CHP1: variants seen among roughly 807,000 people sequenced by gnomAD.
CHP1 encodes calcineurin like EF-hand protein 1.
Under a neutral mutation model 27.4 loss-of-function variants are expected in CHP1, and 11 were observed. The observed-to-expected ratio is 0.40, with a 90% CI of 0.25 to 0.67. CHP1 has a LOEUF of 0.67. CHP1 is among the 30% of genes least tolerant of loss of function. The pLI is 0.38. For missense variants in CHP1, 169 were observed against 251.3 expected (o/e 0.67, Z 2.22); for synonymous variants, 89 against 87.4 (o/e 1.02, Z -0.10).
At position 41,278,805 on chromosome 15, in the gene CHP1, G is replaced by A; in HGVS notation, c.450G>A (p.Glu150=). 1 of 1,614,146 alleles carries A rather than the reference G, an allele frequency of 6.2e-7. No individual in the cohort carries two copies. Among genetic ancestry groups the A allele is most frequent in the Non-Finnish European group, 8.5e-7 (1 of 1,180,014 alleles). ...TGGTCGGAGTAAATATCTCAGATGAGCAGCTGGGCAGCATCGCAGACAGGA... is the reference window on the plus strand; with the variant it reads ...TGGTCGGAGTAAATATCTCAGATGAACAGCTGGGCAGCATCGCAGACAGGA... The part of the protein sequence containing the change: ...RMMVGVNISD[E]QLGSIADRTI... Residue 150 remains glutamate (E), a synonymous_variant, in exon 6 of 7, where the codon GAG becomes GAA. Transcript: ENST00000334660.
chr15:41,240,837 A>C (rs1395017886), intron 1 of CHP1, among the ~76,000 whole-genome samples: 1 of 150,600 alleles, frequency 6.6e-6, no homozygotes, highest in African/African-American at 2.4e-5. Context: ...TTTTCAAAAA[A>C]TCTTTTGGGA....
In CHP1 at chr15:41,263,253, G is replaced by A. The variant is rs76179612; in HGVS notation, c.349+370G>A. Among the ~76,000 whole-genome samples, 479 of 152,296 alleles carry A rather than the reference G, an allele frequency of 3.1e-3. 3 individuals carry two copies. Among genetic ancestry groups the A allele is most frequent in the African/African-American group, 0.011 (450 of 41,566 alleles). ...CATTATAATTCATTGAGCACCTACCGTGTGCCAGGCACTGTGTTAAGTGCT... is the reference window on the plus strand; with the variant it reads ...CATTATAATTCATTGAGCACCTACCATGTGCCAGGCACTGTGTTAAGTGCT... On this transcript the variant is annotated intron_variant, in intron 4 of 6. Transcript: ENST00000334660.
chr15:41,262,677 C>T, intron 3 of CHP1, 79 bp from the exon 4 acceptor site: 2 of 1,558,898 alleles, frequency 1.3e-6, no homozygotes, highest in Non-Finnish European at 1.8e-6. Context: ...GTAGCTAAAG[C>T]TGTTGCCAGT....
At chr15:41,255,661 T>TC (rs1196322091) in intron 2 of CHP1, among the ~76,000 whole-genome samples, 1 of 151,274 alleles carries the variant, frequency 6.6e-6, no homozygotes, top group Non-Finnish European at 1.5e-5. Flanking sequence ...GGAGCGAAAC[T>TC]CCATCTCAAA....
intron 1 of CHP1, among the ~76,000 whole-genome samples, chr15:41,233,628 G>A (rs545202736): frequency 6.6e-6 from 1 of 152,090 alleles, no homozygotes; most frequent in African/African-American, 2.4e-5. Context: ...AGCAGATGGT[G>A]ACAAAAAACG....
chr15:41,251,574 G>A (rs1490290363), intron 2 of CHP1, among the ~76,000 whole-genome samples: 2 of 152,070 alleles, frequency 1.3e-5, no homozygotes, highest in Non-Finnish European at 2.9e-5. Flanking sequence ...CCTGAGCACC[G>A]CCTCCGGTCA....
intron 3 of CHP1, among the ~76,000 whole-genome samples, chr15:41,261,808 C>A (rs563000955): frequency 6.6e-6 from 1 of 152,028 alleles, no homozygotes; most frequent in African/African-American, 2.4e-5. Flanking sequence ...GCCTGACCAA[C>A]ATGGAGAAAC....
At chr15:41,270,462 T>A in intron 4 of CHP1, 95 bp from the exon 5 acceptor site, 5 of 885,004 alleles carry the variant, frequency 5.6e-6, no homozygotes, top group Non-Finnish European at 9.3e-6. Flanking sequence ...ATTAATTGGC[T>A]GTCAGTTTTC....
At chr15:41,253,423 G>GTATTTATTTATTTATT (rs71732753) in intron 2 of CHP1, among the ~76,000 whole-genome samples, 8 of 145,182 alleles carry the variant, frequency 5.5e-5, no homozygotes, top group Non-Finnish European at 1.2e-4. Context: ...AGTTGACAAA[G>GTATTTATTTATTTATT]TATTTATTTA....
intron 1 of CHP1, among the ~76,000 whole-genome samples, chr15:41,240,557 C>T (rs1424852840): frequency 1.3e-5 from 2 of 151,862 alleles, no homozygotes; most frequent in Non-Finnish European, 2.9e-5. Flanking sequence ...AGTTTAAGAC[C>T]AGCCTGACCA....
At chr15:41,254,292 T>G (rs2047387051) in intron 2 of CHP1, among the ~76,000 whole-genome samples, 1 of 152,134 alleles carries the variant, frequency 6.6e-6, no homozygotes. Context: ...ATACTAGACT[T>G]GGTATTTAAA....
intron 5 of CHP1, among the ~76,000 whole-genome samples, chr15:41,271,482 ACTGT>A (rs1215963527): frequency 5.9e-5 from 9 of 152,188 alleles, no homozygotes; most frequent in Admixed American, 5.9e-4. Flanking sequence ...GCTTTTAGGT[ACTGT>A]CTGAGATTTA....
rs778003235 is a variant in CHP1, at chr15:41,281,587, C to G, written c.*2198C>G. The G allele has an allele frequency of 2.6e-5, 4 of 152,554 alleles. No individual in the cohort carries two copies. The highest frequency in any genetic ancestry group is 2.6e-4 in the Admixed American group (4 of 15,278). The allele number at this position is 152,554 out of a possible 1,614,324, so 9.5% of individuals were successfully genotyped here. On this transcript the variant is annotated 3_prime_UTR_variant, in exon 7 of 7. Coordinates refer to ENST00000334660, the MANE Select transcript of CHP1 (RefSeq NM_007236.5). ...CAAAGTGATGGAAAAGGGTGGAGAACAGGGGAGTAGCCAGGCTGGATGGCT... is the reference window on the plus strand; with the variant it reads ...CAAAGTGATGGAAAAGGGTGGAGAAGAGGGGAGTAGCCAGGCTGGATGGCT...
chr15:41,246,025 G>A (rs1320997760), intron 2 of CHP1, among the ~76,000 whole-genome samples: 1 of 151,978 alleles, frequency 6.6e-6, no homozygotes, highest in Non-Finnish European at 1.5e-5. Context: ...TTTGCATGTG[G>A]ATATCCAGTT....
Position 41,274,352 on chromosome 15 carries a change from C to G in CHP1, c.411+3734C>G, listed in dbSNP as rs114906647. ...AGGCCTGGGCAGATAGCTCATGCCA[C>G]TGGTTCCTGGGACCTGAGTCAAGCC... On this transcript the variant is annotated intron_variant, in intron 5 of 6. Coordinates refer to ENST00000334660, the MANE Select transcript of CHP1 (RefSeq NM_007236.5). Among the ~76,000 whole-genome samples the G allele has an allele frequency of 3.2e-3, 494 of 152,354 alleles. 5 individuals carry two copies. Among genetic ancestry groups the G allele is most frequent in the African/African-American group, 0.011 (468 of 41,590 alleles).
intron 5 of CHP1, among the ~76,000 whole-genome samples, chr15:41,273,701 AG>A (rs2047503506): frequency 6.8e-6 from 1 of 147,302 alleles, no homozygotes; most frequent in African/African-American, 2.7e-5. Flanking sequence ...AAAAAAAAAA[AG>A]AAGTCTTAGA....
Position 41,257,068 on chromosome 15 carries a change from T to C in CHP1, c.221+78T>C, listed in dbSNP as rs1032430040. ...TATTTGCTAATCTGGAATAATGATA[T>C]TGGTTGTGCCATCTCAGACTGTGAT... is the stretch of plus-strand genomic sequence containing the variant. On this transcript the variant is annotated intron_variant, in intron 3 of 6. Transcript: ENST00000334660. The C allele has an allele frequency of 1.5e-5, 17 of 1,124,920 alleles. No homozygotes were observed. The Admixed American group carries it at 2.3e-4, about 15-fold the overall frequency. 69.7% of individuals were successfully genotyped at this position (1,124,920 alleles called of 1,614,324 possible).
chr15:41,264,441 T>G (rs1482229344), intron 4 of CHP1, among the ~76,000 whole-genome samples: 1 of 152,096 alleles, frequency 6.6e-6, no homozygotes, highest in Non-Finnish European at 1.5e-5. Flanking sequence ...TTTTATTTTG[T>G]TTTTGCTTAA....
chr15:41,252,428 A>G (rs1033578817), intron 2 of CHP1, among the ~76,000 whole-genome samples: 1 of 152,104 alleles, frequency 6.6e-6, no homozygotes, highest in Non-Finnish European at 1.5e-5. Flanking sequence ...CGGCCTCCCA[A>G]AGTGCTGGAA....
Sources: allele counts gnomAD v4.1 joint callset (sites outside exome capture counted in the v4.1 genomes callset), GRCh38; gene constraint gnomAD v4.1.1; transcripts MANE v1.5; gene names NCBI Gene and HGNC (gene_info 2026-07-23, HGNC 2026-07-21).